The following DPF3 variants were observed in gnomAD, a reference collection of about 807,000 sequenced individuals.
DPF3 encodes double PHD fingers 3.
In DPF3, 18 loss-of-function variants were observed where a neutral mutation model predicts 56.8. That is an observed-to-expected ratio of 0.32 (90% CI 0.22 to 0.47). DPF3 has a LOEUF of 0.47. Ranked by LOEUF, DPF3 falls within the 20% of genes least tolerant of loss-of-function variation. DPF3 has a pLI of 1.00. For synonymous variants in DPF3, 188 were observed against 180.2 expected, an observed-to-expected ratio of 1.04 and a Z score of -0.35; for missense variants, 403 against 488.8, an observed-to-expected ratio of 0.82 and a Z score of 1.65.
intron 8 of DPF3, among the ~76,000 whole-genome samples, chr14:72,654,239 C>T (rs886452381): frequency 2.0e-5 from 3 of 152,198 alleles, no homozygotes; most frequent in Admixed American, 6.5e-5. Context: ...CATCTCTGCT[C>T]GGGCTCCAAG....
intron 1 of DPF3, among the ~76,000 whole-genome samples, chr14:72,839,444 C>A (rs527392518): frequency 1.3e-5 from 2 of 152,298 alleles, no homozygotes; most frequent in South Asian, 2.1e-4. Context: ...ACTATGAGTT[C>A]TTCCGTGATT....
chr14:72,894,064 G>T lies in DPF3; in HGVS notation c.25C>A (p.Leu9Met). 3.1e-6 allele frequency: 5 copies of T among 1,610,280 alleles called. No homozygotes were observed. The highest frequency in any genetic ancestry group is 4.2e-6 in the Non-Finnish European group (5 of 1,178,664). MATVIHNP[L>M]KALGDQFYKE... Reference sequence around the variant, plus strand: ...TTTTTTAGTCTTACTTACGCTTTCAGGGGGTTGTGAATGACAGTCGCCATT... The same window carrying T: ...TTTTTTAGTCTTACTTACGCTTTCATGGGGTTGTGAATGACAGTCGCCATT... The change falls in exon 1 of 11, where the codon CTG (leucine) becomes ATG (methionine). Residue 9 changes from leucine to methionine, a missense_variant. Physicochemically the swap from Leu to Met is conservative, Grantham distance 15. Coordinates refer to ENST00000556509, the MANE Select transcript of DPF3 (RefSeq NM_001280542.3).
At chr14:72,800,671 C>T (rs538713424) in intron 1 of DPF3, among the ~76,000 whole-genome samples, 6 of 145,256 alleles carry the variant, frequency 4.1e-5, no homozygotes, top group Non-Finnish European at 6.1e-5. Context: ...CATGGATGAA[C>T]GGATGCATGG....
chr14:72,812,767 A>G (rs1316246561), intron 1 of DPF3, among the ~76,000 whole-genome samples: 1 of 152,176 alleles, frequency 6.6e-6, no homozygotes, highest in East Asian at 1.9e-4. Context: ...GAGGCTGGGC[A>G]GCCCAGGGCT....
At chr14:72,705,620 C>T (rs1382578863) in intron 6 of DPF3, among the ~76,000 whole-genome samples, 1 of 152,136 alleles carries the variant, frequency 6.6e-6, no homozygotes, top group Non-Finnish European at 1.5e-5. Flanking sequence ...ACTCTGTGCC[C>T]CCAATCTCCC....
intron 7 of DPF3, among the ~76,000 whole-genome samples, chr14:72,681,306 T>C (rs1400411448): frequency 6.6e-6 from 1 of 151,926 alleles, no homozygotes; most frequent in East Asian, 1.9e-4. Flanking sequence ...GAAGGAGAAA[T>C]ATTGGAGCCC....
At chr14:72,700,757 C>T (rs936035482) in intron 6 of DPF3, among the ~76,000 whole-genome samples, 3 of 152,226 alleles carry the variant, frequency 2.0e-5, no homozygotes, top group Admixed American at 6.5e-5. Flanking sequence ...TACTAATCCT[C>T]TCTGTGCCTC....
At chr14:72,746,820 C>A (rs1349145300) in intron 3 of DPF3, among the ~76,000 whole-genome samples, 5 of 152,250 alleles carry the variant, frequency 3.3e-5, no homozygotes, top group Non-Finnish European at 7.3e-5. Flanking sequence ...CAAATGATCA[C>A]AGATACAAGA....
chr14:72,810,802 T>G (rs1173103455), intron 1 of DPF3, among the ~76,000 whole-genome samples: 2 of 152,168 alleles, frequency 1.3e-5, no homozygotes, highest in Non-Finnish European at 2.9e-5. Context: ...AGACTGTCAT[T>G]GCTGGAAACA....
At chr14:72,776,648 T>C (rs911298518) in intron 1 of DPF3, among the ~76,000 whole-genome samples, 7 of 152,040 alleles carry the variant, frequency 4.6e-5, no homozygotes, top group African/African-American at 1.7e-4. Context: ...TCCTCCAACC[T>C]CCTGCTCTCA....
chr14:72,794,375 G>A (rs921585060), intron 1 of DPF3, among the ~76,000 whole-genome samples: 2 of 152,196 alleles, frequency 1.3e-5, no homozygotes, highest in African/African-American at 4.8e-5. Context: ...TGTCCACACA[G>A]ATGAGCAGAA....
chr14:72,709,034 CTGATACCCT>C (rs1888540752), intron 6 of DPF3, among the ~76,000 whole-genome samples: 1 of 152,204 alleles, frequency 6.6e-6, no homozygotes, highest in African/African-American at 2.4e-5. Flanking sequence ...TCCCATCAGC[CTGATACCCT>C]TCTCTCTGAA....
At chr14:72,781,864 G>A (rs1441602137) in intron 1 of DPF3, among the ~76,000 whole-genome samples, 1 of 152,176 alleles carries the variant, frequency 6.6e-6, no homozygotes, top group East Asian at 1.9e-4. Context: ...CAACAAAAGT[G>A]AGGTGGTGGA....
intron 1 of DPF3, among the ~76,000 whole-genome samples, chr14:72,874,140 T>A: frequency 6.8e-6 from 1 of 146,942 alleles, no homozygotes; most frequent in Non-Finnish European, 1.5e-5. Flanking sequence ...TAGGAAGCAT[T>A]ATAAAGATTA....
chr14:72,679,620 G>A (rs1887070038), intron 7 of DPF3, among the ~76,000 whole-genome samples: 1 of 152,224 alleles, frequency 6.6e-6, no homozygotes, highest in African/African-American at 2.4e-5. Flanking sequence ...CCCTCCACAG[G>A]CTGACAGTTC....
At chr14:72,802,998 C>T (rs1251882988) in intron 1 of DPF3, among the ~76,000 whole-genome samples, 1 of 152,258 alleles carries the variant, frequency 6.6e-6, no homozygotes, top group Non-Finnish European at 1.5e-5. Context: ...GTGCCCACCT[C>T]TCCACCTACC....
At chr14:72,863,802 C>G (rs1885550946) in intron 1 of DPF3, among the ~76,000 whole-genome samples, 1 of 152,204 alleles carries the variant, frequency 6.6e-6, no homozygotes, top group African/African-American at 2.4e-5. Context: ...CACTATGCCA[C>G]TGTGCAAATG....
chr14:72,764,524 T>C (rs1353816705), intron 2 of DPF3, among the ~76,000 whole-genome samples: 1 of 126,578 alleles, frequency 7.9e-6, no homozygotes, highest in East Asian at 2.6e-4. Flanking sequence ...TGAGGCGGAA[T>C]GTCGCCCAGG....
intron 2 of DPF3, among the ~76,000 whole-genome samples, chr14:72,770,226 C>G (rs1038376463): frequency 6.6e-6 from 1 of 152,136 alleles, no homozygotes; most frequent in African/African-American, 2.4e-5. Context: ...ACCTAACTAC[C>G]AATTCACAGT....
Sources: gnomAD v4.1 joint callset for allele counts (sites outside exome capture counted in the v4.1 genomes callset) on GRCh38, gnomAD v4.1.1 for gene constraint, MANE v1.5 for transcripts, NCBI Gene and HGNC (gene_info 2026-07-23, HGNC 2026-07-21) for gene names.